RNF214: variants seen among roughly 807,000 people sequenced by gnomAD.
RNF214 encodes ring finger protein 214.
A neutral mutation model predicts 75.9 loss-of-function variants in RNF214; 25 were observed. That is an observed-to-expected ratio of 0.33 (90% CI 0.24 to 0.46). The LOEUF is 0.46. Ranked by LOEUF, RNF214 falls within the 20% of genes least tolerant of loss-of-function variation. RNF214 has a pLI of 1.00. For synonymous variants in RNF214, 314 were observed against 308.8 expected (o/e 1.02, Z -0.18); for missense variants, 725 against 857.5 (o/e 0.85, Z 1.93).
intron 6 of RNF214, among the ~76,000 whole-genome samples, chr11:117,260,251 C>G (rs1014437827): frequency 5.9e-5 from 9 of 152,248 alleles, no homozygotes; most frequent in African/African-American, 2.2e-4. Context: ...GTCTCAGCCT[C>G]CCAAGTAGCT....
chr11:117,250,601 A>AT (rs1167622732), intron 6 of RNF214, among the ~76,000 whole-genome samples: 4 of 48,140 alleles, frequency 8.3e-5, no homozygotes, highest in African/African-American at 1.6e-4. Context: ...TTATTTATTT[A>AT]TTTATTTATT....
chr11:117,266,691 A>G (rs1222191872), intron 6 of RNF214, among the ~76,000 whole-genome samples: 1 of 151,922 alleles, frequency 6.6e-6, no homozygotes, highest in Non-Finnish European at 1.5e-5. Context: ...ATAATTTTCA[A>G]ATATTTTTTT....
At chr11:117,264,180 G>T (rs551549795) in intron 6 of RNF214, among the ~76,000 whole-genome samples, 28 of 152,044 alleles carry the variant, frequency 1.8e-4, no homozygotes, top group Non-Finnish European at 3.5e-4. Context: ...AAAATTAGCC[G>T]GTCGTGGTGG....
At position 117,263,312 on chromosome 11, in the gene RNF214, G is replaced by A. The variant is rs1423010086; in HGVS notation, c.959+16364G>A. On this transcript the variant is annotated intron_variant, in intron 6 of 14. Coordinates refer to ENST00000300650, the MANE Select transcript of RNF214 (RefSeq NM_207343.4). ...TTTTTTTTTTTTGAGATGGAGTCTC[G>A]CTGTGTTGGCTGGAGTGCAGTGGTG... Among the ~76,000 whole-genome samples, 29 of 60,722 alleles carry A rather than the reference G, an allele frequency of 4.8e-4. No individual in the cohort carries two copies. In the Admixed American group the frequency reaches 4.8e-3, roughly 10 times the overall value. The allele number at this position is 60,722 out of a possible 152,430, so 39.8% of individuals were successfully genotyped here. A position where few individuals can be genotyped will look rare whatever the true frequency, so the allele number is the denominator to read the frequency against.
intron 6 of RNF214, among the ~76,000 whole-genome samples, chr11:117,277,133 A>G (rs983092043): frequency 2.0e-5 from 3 of 152,214 alleles, no homozygotes; most frequent in Non-Finnish European, 4.4e-5. Flanking sequence ...ACCTGAGGTC[A>G]GGAGTTCAAG....
intron 6 of RNF214, among the ~76,000 whole-genome samples, chr11:117,251,383 A>G (rs1292490276): frequency 2.5e-5 from 3 of 119,240 alleles, no homozygotes; most frequent in Non-Finnish European, 5.4e-5. Context: ...CGGGGGGCTG[A>G]CCCCCCCACC....
chr11:117,239,169 G>A, intron 3 of RNF214, 58 bp downstream of exon 3: 1 of 1,486,584 alleles, frequency 6.7e-7, no homozygotes, highest in Non-Finnish European at 9.0e-7. Context: ...GGTTCAGGGT[G>A]GGAGATATTT....
At chr11:117,252,127 C>T (rs1217481053) in intron 6 of RNF214, among the ~76,000 whole-genome samples, 3 of 152,194 alleles carry the variant, frequency 2.0e-5, no homozygotes, top group Admixed American at 2.0e-4. Context: ...CCTTGGCCTC[C>T]CAAAGTTCTG....
In RNF214 at chr11:117,239,009, A is replaced by T; in HGVS notation, c.516A>T (p.Arg172=). The T allele has an allele frequency of 6.2e-7, 1 of 1,614,184 alleles. No individual in the cohort carries two copies. Among genetic ancestry groups the T allele is most frequent in the African/African-American group, 1.3e-5 (1 of 75,042 alleles). ...EGNRDTSLDF[R]PVVSPANGVE... ...ACAGGGACACAAGCTTGGATTTCCG[A>T]CCTGTAGTGTCTCCAGCAAATGGGG... Residue 172 remains arginine, a synonymous_variant, in exon 3 of 15, where the codon CGA becomes CGT. Transcript: ENST00000300650.
At chr11:117,233,546 C>T (rs1245803171) in intron 1 of RNF214, among the ~76,000 whole-genome samples, 1 of 152,172 alleles carries the variant, frequency 6.6e-6, no homozygotes. Flanking sequence ...GTTTGCTCTG[C>T]GGCATAAAAG....
At chr11:117,234,063 C>G (rs1172712758) in intron 1 of RNF214, among the ~76,000 whole-genome samples, 3 of 152,202 alleles carry the variant, frequency 2.0e-5, no homozygotes, top group African/African-American at 7.2e-5. Flanking sequence ...AATACAGTGA[C>G]TCCTGAGGAT....
At chr11:117,242,714 G>A (rs112976933) in intron 4 of RNF214, among the ~76,000 whole-genome samples, 209 of 152,306 alleles carry the variant, frequency 1.4e-3, no homozygotes, top group African/African-American at 4.9e-3. Flanking sequence ...TTAGCCGAAC[G>A]TGGTGGCGGG....
intron 11 of RNF214, 31 bp downstream of exon 11, chr11:117,282,301 C>G (rs752616175): frequency 6.3e-7 from 1 of 1,579,438 alleles, no homozygotes; most frequent in Admixed American, 1.8e-5. Context: ...ATTCAGATGT[C>G]TCTATCAGAG....
At chr11:117,235,774 A>T (rs1338817378) in intron 2 of RNF214, among the ~76,000 whole-genome samples, 1 of 152,158 alleles carries the variant, frequency 6.6e-6, no homozygotes, top group Non-Finnish European at 1.5e-5. Flanking sequence ...GGACACGATA[A>T]TTGTACGTAT....
chr11:117,263,530 T>A (rs2033723981), intron 6 of RNF214, among the ~76,000 whole-genome samples: 1 of 152,118 alleles, frequency 6.6e-6, no homozygotes, highest in African/African-American at 2.4e-5. Context: ...CGCCTCGGCC[T>A]CCCAAAGTGC....
At chr11:117,240,676 G>A (rs934080377) in intron 4 of RNF214, among the ~76,000 whole-genome samples, 22 of 151,936 alleles carry the variant, frequency 1.4e-4, no homozygotes, top group African/African-American at 5.1e-4. Flanking sequence ...CAACAGAGAA[G>A]CTCCATCTCA....
At chr11:117,266,752 A>T (rs1188446117) in intron 6 of RNF214, among the ~76,000 whole-genome samples, 1 of 151,612 alleles carries the variant, frequency 6.6e-6, no homozygotes, top group Admixed American at 6.6e-5. Context: ...GGTGAGTTAG[A>T]CCTTTTGATA....
rs77016247 is a variant in RNF214 at position 117,280,891 on chromosome 11, G to A, written c.1146-423G>A. Among the ~76,000 whole-genome samples the A allele has an allele frequency of 1.2e-3, 177 of 151,794 alleles. 1 individual carries two copies. The highest frequency in any genetic ancestry group is 4.1e-3 in the African/African-American group (170 of 41,360). ...AGTGAGGCAAAGGAATTCGAATCTT[G>A]GGCTTCTCCTGCACCTGCTCCCACC... On this transcript the variant is annotated intron_variant, in intron 8 of 14. Transcript: ENST00000300650.
intron 6 of RNF214, among the ~76,000 whole-genome samples, chr11:117,278,513 G>T (rs998484232): frequency 1.3e-5 from 2 of 152,080 alleles, no homozygotes; most frequent in Admixed American, 1.3e-4. Flanking sequence ...GGCCTCTATA[G>T]TTCTGAGTAG....
Sources: gnomAD v4.1 joint callset for allele counts (sites outside exome capture counted in the v4.1 genomes callset) on GRCh38, gnomAD v4.1.1 for gene constraint, MANE v1.5 for transcripts, NCBI Gene and HGNC (gene_info 2026-07-23, HGNC 2026-07-21) for gene names.